WASHC3: variants seen among roughly 807,000 people sequenced by gnomAD.
The protein encoded by WASHC3 is WASH complex subunit CCDC53.
WASHC3 carries 24 observed loss-of-function variants against 26.1 expected under a neutral mutation model. The observed-to-expected ratio is 0.92, with a 90% CI of 0.66 to 1.29. The LOEUF (loss-of-function observed/expected upper bound fraction) is 1.29. WASHC3 is among the 50% of genes most tolerant of loss of function. WASHC3 has a pLI of 0.00. For missense variants in WASHC3, 214 were observed against 229.6 expected, an observed-to-expected ratio of 0.93 and a Z score of 0.44; for synonymous variants, 77 against 75.7, an observed-to-expected ratio of 1.02 and a Z score of -0.09.
intron 2 of WASHC3, among the ~76,000 whole-genome samples, chr12:102,055,198 C>T (rs191563500): frequency 1.2e-4 from 18 of 152,188 alleles, no homozygotes; most frequent in African/African-American, 3.6e-4. Flanking sequence ...ATATCAGAAA[C>T]GAAAGAGATG....
chr12:102,019,191 C>A, intron 6 of WASHC3: 1 of 161,802 alleles, frequency 6.2e-6, no homozygotes, highest in South Asian at 1.4e-4. Flanking sequence ...AAAAGCAAGC[C>A]ACAAGAATCA....
At chr12:102,034,172 T>G (rs1427017273) in intron 5 of WASHC3, among the ~76,000 whole-genome samples, 2 of 152,106 alleles carry the variant, frequency 1.3e-5, no homozygotes, top group African/African-American at 4.8e-5. Flanking sequence ...CCCTGAACCC[T>G]GTTTGTTCTC....
At chr12:102,044,248 A>G (rs756571093) in intron 3 of WASHC3, 36 bp from the exon 4 acceptor site, 14 of 1,072,030 alleles carry the variant, frequency 1.3e-5, no homozygotes, top group Non-Finnish European at 1.9e-5. Context: ...ATATGAAGAT[A>G]GTACTTGCAT....
At chr12:102,056,632 G>T (rs1425421769) in intron 2 of WASHC3, among the ~76,000 whole-genome samples, 4 of 152,162 alleles carry the variant, frequency 2.6e-5, no homozygotes, top group African/African-American at 9.7e-5. Flanking sequence ...ATAAGAGATT[G>T]CTATGACCAA....
chr12:102,054,105 G>C (rs1363241243), intron 2 of WASHC3, among the ~76,000 whole-genome samples: 1 of 152,036 alleles, frequency 6.6e-6, no homozygotes, highest in East Asian at 1.9e-4. Flanking sequence ...TGAAAAGTAA[G>C]GAATCAAAGT....
intron 6 of WASHC3, among the ~76,000 whole-genome samples, chr12:102,013,713 T>C (rs1876580402): frequency 6.6e-6 from 1 of 152,138 alleles, no homozygotes; most frequent in South Asian, 2.1e-4. Flanking sequence ...TCGAAGAAGG[T>C]TCTTAATGTT....
At chr12:102,039,793 AT>A in intron 5 of WASHC3, 74 bp downstream of exon 5, 2 of 609,278 alleles carry the variant, frequency 3.3e-6, no homozygotes, top group South Asian at 2.6e-5. Context: ...ATTGAAAAAA[AT>A]AACAGTAAAA....
intron 2 of WASHC3, among the ~76,000 whole-genome samples, chr12:102,057,077 T>C (rs1227953600): frequency 2.0e-5 from 3 of 152,142 alleles, no homozygotes; most frequent in Non-Finnish European, 4.4e-5. Context: ...CAGGATCAAG[T>C]CAGATTTATC....
rs1312846943 is a variant in WASHC3 at position 102,013,153 on chromosome 12, T to C, written c.540A>G (p.Lys180=). The C allele has an allele frequency of 3.9e-6, 6 of 1,552,940 alleles. 1 individual carries two copies. Among genetic ancestry groups the C allele is most frequent in the South Asian group, 2.4e-5 (2 of 84,462 alleles). ...CGCTATCTGAACTTTCTTCTACAGT[T>C]TTCTCACTTTCGCCATCAGGCACTG... ...DAPVPDGESE[K]TVEESSDSES... Residue 180 remains lysine, a synonymous_variant, in exon 7 of 7, where the codon AAA becomes AAG. Coordinates refer to ENST00000240079, the MANE Select transcript of WASHC3 (RefSeq NM_016053.4).
intron 2 of WASHC3, among the ~76,000 whole-genome samples, chr12:102,051,915 G>A (rs930731074): frequency 2.6e-5 from 4 of 152,146 alleles, no homozygotes; most frequent in Non-Finnish European, 5.9e-5. Context: ...ATCTCATTGA[G>A]CAGTCTCCAG....
intron 2 of WASHC3, among the ~76,000 whole-genome samples, chr12:102,052,817 A>G (rs531987433): frequency 7.9e-5 from 12 of 151,636 alleles, no homozygotes; most frequent in Non-Finnish European, 1.6e-4. Flanking sequence ...CTGTGGACTC[A>G]AGTTCCAGGC....
intron 6 of WASHC3, among the ~76,000 whole-genome samples, chr12:102,016,723 TGTTTTA>T (rs1876722506): frequency 6.6e-6 from 1 of 152,200 alleles, no homozygotes; most frequent in South Asian, 2.1e-4. Context: ...GCCTTGTATG[TGTTTTA>T]GTTTTTGGCA....
At chr12:102,042,532 A>G (rs955696517) in intron 4 of WASHC3, among the ~76,000 whole-genome samples, 4 of 152,184 alleles carry the variant, frequency 2.6e-5, no homozygotes, top group African/African-American at 9.7e-5. Flanking sequence ...CTCTTACGTT[A>G]CTTTTCGACC....
intron 5 of WASHC3, among the ~76,000 whole-genome samples, chr12:102,038,150 C>T (rs1268582522): frequency 3.9e-5 from 6 of 151,948 alleles, no homozygotes; most frequent in African/African-American, 9.7e-5. Context: ...AACTTGTTGA[C>T]GTAATTAGTA....
At chr12:102,022,477 T>C (rs1876999983) in intron 6 of WASHC3, among the ~76,000 whole-genome samples, 1 of 152,220 alleles carries the variant, frequency 6.6e-6, no homozygotes, top group African/African-American at 2.4e-5. Flanking sequence ...AACTCTTCTA[T>C]TTCCCATTTT....
chr12:102,061,230 C>T lies in WASHC3; in HGVS notation c.150+18G>A, dbSNP rs777179402. The T allele has an allele frequency of 6.5e-7, 1 of 1,550,088 alleles. No homozygotes were observed. Among genetic ancestry groups the T allele is most frequent in the South Asian group, 1.1e-5 (1 of 89,610 alleles). On this transcript the variant is annotated intron_variant, in intron 2 of 6. Transcript: ENST00000240079. ...GTGATTTCCAGGCGACTCTATAAAC[C>T]AGTATCACCGGACCTACCTCCTCAC... is the stretch of plus-strand genomic sequence containing the variant.
At chr12:102,060,956 CAAAAA>C (rs56001519) in intron 2 of WASHC3, among the ~76,000 whole-genome samples, 398 of 55,626 alleles carry the variant, frequency 7.2e-3, no homozygotes, top group African/African-American at 0.018. Context: ...CCCTGTCTCA[CAAAAA>C]AAAAAAAAAA....
chr12:102,013,192 C>T lies in WASHC3; in HGVS notation c.501G>A (p.Glu167=), dbSNP rs1876553946. The T allele has an allele frequency of 6.7e-7, 1 of 1,500,166 alleles. No homozygotes were observed. The highest frequency in any genetic ancestry group is 2.1e-5 in the Admixed American group (1 of 48,074). 92.9% of individuals were successfully genotyped at this position (1,500,166 alleles called of 1,614,324 possible). The change falls in exon 7 of 7, where the codon GAG becomes GAA. Residue 167 remains glutamate (E), a splice_region_variant and synonymous_variant. Coordinates refer to ENST00000240079, the MANE Select transcript of WASHC3 (RefSeq NM_016053.4). ...ISEGLDPDLL[E]RPDAPVPDGE... The stretch of plus-strand genomic sequence containing the variant: ...CATCAGGCACTGGAGCATCTGGCCT[C>T]CTAAAAGAAAAGAAAAAAAAATTTC...
chr12:102,027,413 A>T (rs1363513018), intron 5 of WASHC3, among the ~76,000 whole-genome samples: 1 of 152,190 alleles, frequency 6.6e-6, no homozygotes, highest in Non-Finnish European at 1.5e-5. Context: ...AAGTCCAGGC[A>T]TGCATATGTA....
Sources: allele counts gnomAD v4.1 joint callset (sites outside exome capture counted in the v4.1 genomes callset), GRCh38; gene constraint gnomAD v4.1.1; transcripts MANE v1.5; gene names NCBI Gene and HGNC (gene_info 2026-07-23, HGNC 2026-07-21).